Variants in CDH4 observed in about 807,000 individuals in gnomAD.
The protein encoded by CDH4 is cadherin 4.
Under a neutral mutation model 86.0 loss-of-function variants are expected in CDH4, and 33 were observed. The ratio of observed to expected loss-of-function variants is 0.38; its 90% CI spans 0.29 to 0.51. The LOEUF (loss-of-function observed/expected upper bound fraction) is 0.51. CDH4 is among the 20% of genes least tolerant of loss of function. The probability of loss-of-function intolerance (pLI) is 0.86; values close to 1 mark genes in which losing one functional copy is unlikely to be tolerated. For synonymous variants in CDH4, 555 were observed against 549.4 expected, an observed-to-expected ratio of 1.01 and a Z score of -0.14; for missense variants, 1,114 against 1,307.4, an observed-to-expected ratio of 0.85 and a Z score of 2.28.
chr20:61,591,638 G>A (rs1479788477), intron 2 of CDH4, among the ~76,000 whole-genome samples: 5 of 152,202 alleles, frequency 3.3e-5, no homozygotes, highest in East Asian at 1.9e-4. Context: ...TTTCTTAAAC[G>A]TTAGTTGCAG....
At chr20:61,795,218 G>A (rs1230486056) in intron 4 of CDH4, among the ~76,000 whole-genome samples, 2 of 140,446 alleles carry the variant, frequency 1.4e-5, no homozygotes, top group Non-Finnish European at 3.0e-5. Flanking sequence ...ATTGCTACCA[G>A]CTACCATGTG....
intron 7 of CDH4, among the ~76,000 whole-genome samples, chr20:61,876,690 C>T (rs1267290980): frequency 6.6e-6 from 1 of 152,134 alleles, no homozygotes; most frequent in Non-Finnish European, 1.5e-5. Flanking sequence ...CTGGCCTGCA[C>T]TGGTTTCGTG....
At position 61,810,954 on chromosome 20, in the gene CDH4, A is replaced by C. The variant is rs779594834; in HGVS notation, c.577-33714A>C. ...GCCTGCAGAGCCTGCGTTATCCTGC[A>C]CTGCAAATGATGCTGCATTTGTAAC... On this transcript the variant is annotated intron_variant, in intron 4 of 15. Coordinates refer to ENST00000614565, the MANE Select transcript of CDH4 (RefSeq NM_001794.5). The surrounding 1 kb of genome is among the most constrained non-coding windows in gnomAD (Gnocchi z 4.3). Among the ~76,000 whole-genome samples, 1 of 152,222 alleles carries C rather than the reference A, an allele frequency of 6.6e-6. No homozygotes were observed. The highest frequency in any genetic ancestry group is 1.5e-5 in the Non-Finnish European group (1 of 68,038).
At chr20:61,591,895 G>A (rs1417662764) in intron 2 of CDH4, among the ~76,000 whole-genome samples, 1 of 82,864 alleles carries the variant, frequency 1.2e-5, no homozygotes, top group Non-Finnish European at 2.8e-5. Flanking sequence ...CATTGAGCTT[G>A]CCATGGCAGA....
chr20:61,584,372 A>T (rs2086454286), intron 2 of CDH4, among the ~76,000 whole-genome samples: 1 of 152,152 alleles, frequency 6.6e-6, no homozygotes, highest in Admixed American at 6.5e-5. Context: ...AGCCTCTCAG[A>T]CAACCTCACA....
intron 6 of CDH4, among the ~76,000 whole-genome samples, chr20:61,873,102 C>T (rs1345742626): frequency 6.6e-6 from 1 of 152,252 alleles, no homozygotes; most frequent in Non-Finnish European, 1.5e-5. Flanking sequence ...TGAGAGAGCA[C>T]ATGGGCAGCT....
intron 2 of CDH4, among the ~76,000 whole-genome samples, chr20:61,550,301 C>T (rs1302195952): frequency 7.1e-6 from 1 of 141,560 alleles, no homozygotes; most frequent in Non-Finnish European, 1.5e-5. Context: ...CCTGCCCCAA[C>T]CTCACTGGCC....
intron 4 of CDH4, among the ~76,000 whole-genome samples, chr20:61,790,260 A>C (rs1415120567): frequency 6.6e-6 from 1 of 150,620 alleles, no homozygotes; most frequent in Non-Finnish European, 1.5e-5. Context: ...TCATCCATTC[A>C]TCTCTCTATC....
intron 8 of CDH4, among the ~76,000 whole-genome samples, chr20:61,906,946 A>G (rs1221507108): frequency 6.6e-6 from 1 of 152,022 alleles, no homozygotes; most frequent in Non-Finnish European, 1.5e-5. Context: ...AGGGGAGCTC[A>G]CTGGCCTTGA....
At chr20:61,554,676 G>A (rs757016958) in intron 2 of CDH4, among the ~76,000 whole-genome samples, 11 of 152,252 alleles carry the variant, frequency 7.2e-5, no homozygotes, top group Non-Finnish European at 1.0e-4. Flanking sequence ...TGGGTCAGCC[G>A]GCAGAGCAGG....
rs1290856998 is a variant in CDH4, at chr20:61,936,935, G to A, written c.2743G>A (p.Glu915Lys). Residue 915 changes from glutamate to lysine, a missense_variant, in exon 16 of 16, where the codon GAG (glutamate) becomes AAG (lysine). Glu to Lys is a moderately conservative substitution (Grantham distance 56). Around this residue, in one of 3 missense-constraint regions of CDH4, gnomAD observed 188 missense variants for 183.8 expected, o/e 1.02. Transcript: ENST00000614565. ...KLADMYGGGE[E>K]D ...GGCGGACATGTATGGAGGTGGTGAA[G>A]AGGATTGACTGACCTCGCATCTTCG... 6.4e-7 allele frequency: 1 copy of A among 1,572,380 alleles called. No homozygotes were observed. The highest frequency in any genetic ancestry group is 1.2e-5 in the South Asian group (1 of 85,782).
At chr20:61,538,833 C>T (rs1309960462) in intron 2 of CDH4, among the ~76,000 whole-genome samples, 1 of 152,224 alleles carries the variant, frequency 6.6e-6, no homozygotes, top group African/African-American at 2.4e-5. Context: ...TGCTGCAGGC[C>T]AGGCATGGGG....
intron 2 of CDH4, among the ~76,000 whole-genome samples, chr20:61,295,016 G>C (rs2084344731): frequency 6.6e-6 from 1 of 152,218 alleles, no homozygotes; most frequent in Non-Finnish European, 1.5e-5. Context: ...CCCCTTGGAT[G>C]GAGTCTCTGT....
intron 2 of CDH4, among the ~76,000 whole-genome samples, chr20:61,322,559 G>A (rs1252548257): frequency 2.0e-5 from 3 of 152,174 alleles, no homozygotes; most frequent in Non-Finnish European, 4.4e-5. Context: ...GGTGTGTGCA[G>A]TGGCTGTCAC....
chr20:61,325,200 G>A (rs2084530244), intron 2 of CDH4, among the ~76,000 whole-genome samples: 1 of 150,522 alleles, frequency 6.6e-6, no homozygotes, highest in Admixed American at 6.7e-5. Flanking sequence ...TCCTTCGGTG[G>A]GTCATAAGTA....
intron 11 of CDH4, 30 bp from the exon 12 acceptor site, chr20:61,928,159 GC>G (rs1242693546): frequency 5.2e-6 from 8 of 1,553,146 alleles, no homozygotes; most frequent in Non-Finnish European, 7.0e-6. Flanking sequence ...ACCAGGAGTG[GC>G]CCGTGTGGTG....
At chr20:61,844,878 A>G (rs1430451562) in intron 5 of CDH4, 55 bp downstream of exon 5, 4 of 1,550,286 alleles carry the variant, frequency 2.6e-6, no homozygotes, top group Non-Finnish European at 3.5e-6. Flanking sequence ...TCCCAGCCCT[A>G]CCAGGCCTTG....
At chr20:61,851,367 T>C (rs144795484) in intron 5 of CDH4, among the ~76,000 whole-genome samples, 13 of 152,298 alleles carry the variant, frequency 8.5e-5, no homozygotes, top group African/African-American at 3.1e-4. Context: ...AACACTGGTA[T>C]AGGCATGGAC....
chr20:61,915,716 C>G (rs1252109339), intron 9 of CDH4, among the ~76,000 whole-genome samples: 1 of 152,194 alleles, frequency 6.6e-6, no homozygotes, highest in Non-Finnish European at 1.5e-5. Context: ...ACAGAAAACC[C>G]TTCAATGCTT....
Sources: gnomAD v4.1 joint callset for allele counts (sites outside exome capture counted in the v4.1 genomes callset) on GRCh38, gnomAD v4.1.1 for gene constraint, gnomAD v4.1.1 regional missense constraint, Gnocchi (gnomAD v3.1) non-coding constraint, MANE v1.5 for transcripts, NCBI Gene and HGNC (gene_info 2026-07-23, HGNC 2026-07-21) for gene names.